The following PDE4D variants were observed in gnomAD, a reference collection of about 807,000 sequenced individuals.
The protein encoded by PDE4D is 3',5'-cyclic-AMP phosphodiesterase 4D.
PDE4D carries 24 observed loss-of-function variants against 87.4 expected under a neutral mutation model. That is an observed-to-expected ratio of 0.27 (90% CI 0.20 to 0.39). The LOEUF is 0.39. PDE4D is among the 10% of genes least tolerant of loss of function. The pLI, the probability that PDE4D is intolerant of heterozygous loss-of-function variation, is 1.00. For missense variants in PDE4D, 714 were observed against 1,041.0 expected, an observed-to-expected ratio of 0.69 and a Z score of 4.32; for synonymous variants, 384 against 383.2, an observed-to-expected ratio of 1.00 and a Z score of -0.02.
rs544205446 is a variant in PDE4D at position 59,111,464 on chromosome 5, G to T, written c.808+69131C>A. ...ATCCCACTTTCCAATAGGCTCTTGA[G>T]GTTATGATTGTTCCCTGGATGCTTT... On this transcript the variant is annotated intron_variant, in intron 5 of 14. Transcript: ENST00000340635. Among the ~76,000 whole-genome samples the T allele has an allele frequency of 3.3e-5, 5 of 152,260 alleles. No homozygotes were observed. The South Asian group carries it at 8.3e-4, about 25-fold the overall frequency.
At chr5:59,345,675 A>AT (rs1373953349) in intron 1 of PDE4D, among the ~76,000 whole-genome samples, 2 of 152,152 alleles carry the variant, frequency 1.3e-5, no homozygotes, top group Non-Finnish European at 2.9e-5. Flanking sequence ...ACAGGCAAAC[A>AT]TTTTTTAAGA....
chr5:59,542,110 C>T (rs1012601360), intron 1 of PDE4D, among the ~76,000 whole-genome samples: 2 of 152,156 alleles, frequency 1.3e-5, no homozygotes, highest in Non-Finnish European at 2.9e-5. Flanking sequence ...AAATGACTCA[C>T]AAGACCAGCC....
chr5:59,395,107 G>A (rs111428012), intron 1 of PDE4D, among the ~76,000 whole-genome samples: 1 of 151,420 alleles, frequency 6.6e-6, no homozygotes, highest in African/African-American at 2.4e-5. Flanking sequence ...CTGATTGCTA[G>A]CACAGCAGTC....
intron 1 of PDE4D, among the ~76,000 whole-genome samples, chr5:60,288,424 T>C (rs1260563320): frequency 1.3e-5 from 2 of 152,190 alleles, no homozygotes; most frequent in Non-Finnish European, 2.9e-5. Context: ...CCAGAAAAGT[T>C]TGACATCTTT....
At chr5:60,289,411 A>G (rs1185246305) in intron 1 of PDE4D, among the ~76,000 whole-genome samples, 1 of 152,158 alleles carries the variant, frequency 6.6e-6, no homozygotes, top group African/African-American at 2.4e-5. Context: ...GGGTGATCCT[A>G]TAAATCATGA....
chr5:60,107,447 C>T (rs1458091115), intron 2 of PDE4D, among the ~76,000 whole-genome samples: 7 of 152,302 alleles, frequency 4.6e-5, no homozygotes, highest in Non-Finnish European at 7.3e-5. Context: ...GAGCTGCTAC[C>T]ATTCCTTCTG....
chr5:59,713,080 T>C (rs57249668), intron 1 of PDE4D, among the ~76,000 whole-genome samples: 1 of 152,082 alleles, frequency 6.6e-6, no homozygotes, highest in Non-Finnish European at 1.5e-5. Flanking sequence ...AAAACAAAGT[T>C]AAATAGTACT....
chr5:59,800,809 G>A (rs71592682), intron 1 of PDE4D, among the ~76,000 whole-genome samples: 4,776 of 152,152 alleles, frequency 0.031, 105 homozygotes, highest in Non-Finnish European at 0.044. Context: ...CTAAAAATAC[G>A]CAAATATGTA....
At chr5:59,606,908 C>T (rs1032947518) in intron 1 of PDE4D, among the ~76,000 whole-genome samples, 7 of 151,452 alleles carry the variant, frequency 4.6e-5, no homozygotes, top group Admixed American at 2.6e-4. Context: ...ATTCATCTCT[C>T]TTTTTGTTTT....
At chr5:59,165,362 C>T (rs910953044) in intron 5 of PDE4D, among the ~76,000 whole-genome samples, 1 of 152,204 alleles carries the variant, frequency 6.6e-6, no homozygotes, top group Admixed American at 6.5e-5. Flanking sequence ...CAACCTCTGC[C>T]TCCCAGGTTC....
At chr5:59,942,573 A>G (rs1757300864) in intron 3 of PDE4D, among the ~76,000 whole-genome samples, 1 of 152,142 alleles carries the variant, frequency 6.6e-6, no homozygotes, top group Non-Finnish European at 1.5e-5. Flanking sequence ...CCGAGAGAGA[A>G]TAGTGTCAGA....
intron 1 of PDE4D, among the ~76,000 whole-genome samples, chr5:59,812,033 A>G (rs973855718): frequency 6.6e-6 from 1 of 152,024 alleles, no homozygotes; most frequent in African/African-American, 2.4e-5. Context: ...CTGTGAACCT[A>G]CCCTCTCTTA....
At chr5:59,531,443 G>A (rs1265606653) in intron 1 of PDE4D, among the ~76,000 whole-genome samples, 1 of 151,966 alleles carries the variant, frequency 6.6e-6, no homozygotes, top group East Asian at 1.9e-4. Flanking sequence ...TATCTTTTCT[G>A]TAGTTTTCTG....
rs1442456788 is a variant in PDE4D, at chr5:59,893,362, C to A, written c.261G>T (p.Pro87=). ...CGTAGCGGCCGCGGGCAGCCCCGGGCGGCGGCGGGGGCGGCGGCAGGGGGG... is the reference window on the plus strand; with the variant it reads ...CGTAGCGGCCGCGGGCAGCCCCGGGAGGCGGCGGGGGCGGCGGCAGGGGGG... The part of the protein sequence containing the change: ...PPPPLPPPPP[P]PGAARGRYAS... The change falls in exon 1 of 15, where the codon CCG becomes CCT. Residue 87 remains proline, a synonymous_variant. Transcript: ENST00000340635. The A allele has an allele frequency of 2.1e-5, 26 of 1,256,332 alleles. No homozygotes were observed. The highest frequency in any genetic ancestry group is 2.6e-5 in the Non-Finnish European group (26 of 1,001,834). 77.8% of individuals were successfully genotyped at this position (1,256,332 alleles called of 1,614,324 possible).
intron 1 of PDE4D, among the ~76,000 whole-genome samples, chr5:59,617,919 C>T (rs1171789688): frequency 6.6e-6 from 1 of 152,162 alleles, no homozygotes; most frequent in African/African-American, 2.4e-5. Flanking sequence ...TAAGTAGTGG[C>T]CTCTTTTCAA....
At chr5:60,094,345 C>T (rs1369634390) in intron 2 of PDE4D, among the ~76,000 whole-genome samples, 1 of 152,140 alleles carries the variant, frequency 6.6e-6, no homozygotes, top group African/African-American at 2.4e-5. Context: ...TTCTAAATAA[C>T]ACACATTAAG....
Position 59,375,522 on chromosome 5 carries a change from G to A in PDE4D, c.456-159554C>T, listed in dbSNP as rs538782564. ...GAATCCCTGAATGGACTAATAAAAA[G>A]CACTGAAATTGAGTCAGTAATAAAT... On this transcript the variant is annotated intron_variant, in intron 1 of 14. Coordinates refer to ENST00000340635, the MANE Select transcript of PDE4D (RefSeq NM_001104631.2). 1.2e-3 allele frequency among the ~76,000 whole-genome samples: 190 copies of A among 152,160 alleles called. 1 individual carries two copies. The highest frequency in any genetic ancestry group is 4.5e-3 in the African/African-American group (186 of 41,518).
chr5:60,435,631 G>T (rs562525012), intron 1 of PDE4D, among the ~76,000 whole-genome samples: 1 of 150,464 alleles, frequency 6.6e-6, no homozygotes, highest in South Asian at 2.1e-4. Flanking sequence ...CTTTCTATTT[G>T]CAACTTGAAT....
intron 1 of PDE4D, among the ~76,000 whole-genome samples, chr5:60,394,514 GTC>G (rs1762761232): frequency 6.6e-6 from 1 of 152,102 alleles, no homozygotes; most frequent in African/African-American, 2.4e-5. Flanking sequence ...CTATCGATTT[GTC>G]TATATTTTCT....
Sources: allele counts gnomAD v4.1 joint callset (sites outside exome capture counted in the v4.1 genomes callset), GRCh38; gene constraint gnomAD v4.1.1; transcripts MANE v1.5; gene names NCBI Gene and HGNC (gene_info 2026-07-23, HGNC 2026-07-21).